The following ATP2B4 variants were observed in gnomAD, a reference collection of about 807,000 sequenced individuals.
ATP2B4 encodes the protein plasma membrane calcium-transporting ATPase 4.
ATP2B4 carries 39 observed loss-of-function variants against 110.3 expected under a neutral mutation model. The ratio of observed to expected loss-of-function variants is 0.35; its 90% CI spans 0.27 to 0.46. The LOEUF (loss-of-function observed/expected upper bound fraction) is 0.46, where lower values mean the gene tolerates loss of function less well. Ranked by LOEUF, ATP2B4 falls within the 20% of genes least tolerant of loss-of-function variation. The pLI is 1.00. For synonymous variants in ATP2B4, 538 were observed against 571.7 expected (o/e 0.94, Z 0.84); for missense variants, 1,135 against 1,530.9 (o/e 0.74, Z 4.32).
intron 19 of ATP2B4, among the ~76,000 whole-genome samples, chr1:203,724,557 A>G (rs1323845715): frequency 6.6e-6 from 1 of 151,772 alleles, no homozygotes; most frequent in African/African-American, 2.4e-5. Flanking sequence ...CTTCTCTGAG[A>G]CAGAAACCAA....
intron 11 of ATP2B4, among the ~76,000 whole-genome samples, chr1:203,709,979 A>G (rs1033126573): frequency 1.3e-5 from 2 of 152,242 alleles, no homozygotes; most frequent in African/African-American, 4.8e-5. Flanking sequence ...TGCCTTATAC[A>G]TAACAAGTAC....
chr1:203,719,225 GAAAAAAAAA>G (rs60841821), intron 15 of ATP2B4, among the ~76,000 whole-genome samples: 1 of 54,378 alleles, frequency 1.8e-5, no homozygotes, highest in Admixed American at 2.1e-4. Flanking sequence ...ACCCTGTCTC[GAAAAAAAAA>G]AAAAAAAAAA....
intron 1 of ATP2B4, chr1:203,657,286 A>G (rs1571688750): frequency 1.4e-6 from 1 of 726,730 alleles, no homozygotes; most frequent in South Asian, 1.5e-5. Flanking sequence ...CCGACAAAGC[A>G]GAGTTTAGTA....
At chr1:203,736,488 G>C (rs1666882434) in intron 20 of ATP2B4, among the ~76,000 whole-genome samples, 1 of 151,190 alleles carries the variant, frequency 6.6e-6, no homozygotes, top group African/African-American at 2.4e-5. Flanking sequence ...AAAAAAAGCA[G>C]AAAACTACAG....
At position 203,711,911 on chromosome 1, in the gene ATP2B4, AG is replaced by A. The variant is rs746026788; in HGVS notation, c.2032-46del. 3 of 1,586,672 alleles carry A rather than the reference AG, an allele frequency of 1.9e-6. No homozygotes were observed. In the African/African-American group the frequency reaches 4.0e-5, roughly 21 times the overall value. Reference sequence around the variant, plus strand: ...GACAGACAAACAGGGACAGCTTACCAGGGTCATCACCCTCATCTGCGCCTTT... The same window carrying A: ...GACAGACAAACAGGGACAGCTTACCAGGTCATCACCCTCATCTGCGCCTTT... On this transcript the variant is annotated intron_variant, in intron 12 of 20. Coordinates refer to ENST00000357681, the MANE Select transcript of ATP2B4 (RefSeq NM_001684.5).
At chr1:203,728,128 A>C (rs1244695300) in intron 20 of ATP2B4, 1 of 447,860 alleles carries the variant, frequency 2.2e-6, no homozygotes, top group Non-Finnish European at 4.6e-6. Context: ...TGTAAAAATG[A>C]CAATAGTCTC....
intron 20 of ATP2B4, 108 bp downstream of exon 20, chr1:203,727,679 G>A: frequency 2.2e-6 from 3 of 1,363,220 alleles, no homozygotes; most frequent in Non-Finnish European, 2.0e-6. Flanking sequence ...CCTTCCAAAG[G>A]CTCACTACTG....
chr1:203,683,472 A>G (rs770601723), intron 2 of ATP2B4, 74 bp downstream of exon 2: 171 of 1,452,262 alleles, frequency 1.2e-4, no homozygotes, highest in Non-Finnish European at 1.5e-4. Flanking sequence ...CCCAGCTTCT[A>G]GAGAAGGCAC....
At chr1:203,726,071 C>CA (rs58722256) in intron 19 of ATP2B4, among the ~76,000 whole-genome samples, 29,976 of 93,064 alleles carry the variant, frequency 0.32, 3,931 homozygotes, top group Admixed American at 0.44. Context: ...ACTAAAAATA[C>CA]AAAAAAAAAA....
At position 203,738,510 on chromosome 1, in the gene ATP2B4, C is replaced by G. The variant is rs146788105; in HGVS notation, c.3310-1036C>G. ...ACACTGGGCAATGCATCTCCTTTTG[C>G]CCAGTAAAACCGCACGTGGTTTCCT... On this transcript the variant is annotated intron_variant, in intron 20 of 20. Transcript: ENST00000357681. Among the ~76,000 whole-genome samples, 3 of 152,268 alleles carry G rather than the reference C, an allele frequency of 2.0e-5. No homozygotes were observed. In the East Asian group the frequency reaches 5.8e-4, roughly 29 times the overall value.
intron 10 of ATP2B4, 132 bp downstream of exon 10, chr1:203,708,236 G>A (rs934765300): frequency 8.9e-6 from 12 of 1,351,086 alleles, no homozygotes; most frequent in Non-Finnish European, 1.1e-5. Context: ...ACGCTGGAGT[G>A]AACATGTTTG....
chr1:203,656,942 C>G, intron 1 of ATP2B4: 1 of 673,980 alleles, frequency 1.5e-6, no homozygotes, highest in Non-Finnish European at 2.7e-6. Flanking sequence ...TGTGTAGTCC[C>G]CAATAATTAT....
At chr1:203,632,102 A>T (rs1234583834) in intron 1 of ATP2B4, among the ~76,000 whole-genome samples, 1 of 151,922 alleles carries the variant, frequency 6.6e-6, no homozygotes, top group Non-Finnish European at 1.5e-5. Context: ...TTTTAAAGGC[A>T]TATTTACAAT....
At chr1:203,706,519 A>G (rs568435406) in intron 8 of ATP2B4, among the ~76,000 whole-genome samples, 1 of 152,362 alleles carries the variant, frequency 6.6e-6, no homozygotes, top group East Asian at 1.9e-4. Context: ...CACTAGCACC[A>G]TAGAGGCATT....
intron 1 of ATP2B4, among the ~76,000 whole-genome samples, chr1:203,644,755 TGAA>T (rs1287508669): frequency 6.6e-6 from 1 of 152,096 alleles, no homozygotes; most frequent in African/African-American, 2.4e-5. Context: ...TGACCGGAGT[TGAA>T]ACAATGGCCA....
chr1:203,688,473 A>T (rs1230137368), intron 2 of ATP2B4, among the ~76,000 whole-genome samples: 2 of 149,068 alleles, frequency 1.3e-5, no homozygotes, highest in Admixed American at 1.3e-4. Flanking sequence ...TAATTTTTGT[A>T]TTTTTTTTTG....
intron 1 of ATP2B4, among the ~76,000 whole-genome samples, chr1:203,663,618 T>G (rs1253567459): frequency 6.6e-6 from 1 of 152,086 alleles, no homozygotes; most frequent in Non-Finnish European, 1.5e-5. Flanking sequence ...TCTCTTTTTT[T>G]TTTTTTAAGC....
chr1:203,730,144 T>A (rs527807660), intron 20 of ATP2B4, among the ~76,000 whole-genome samples: 32 of 152,094 alleles, frequency 2.1e-4, no homozygotes, highest in African/African-American at 7.2e-4. Context: ...CTTTCCTTTT[T>A]TTAAAAAAAA....
At position 203,706,903 on chromosome 1, in the gene ATP2B4, T is replaced by C. The variant is rs916310285; in HGVS notation, c.1100-106T>C. ...TAGTAAGTCTTCCTGGCGATGGTGGTTTTAATAATTGGCAACAAAGGCTAC... is the reference window on the plus strand; with the variant it reads ...TAGTAAGTCTTCCTGGCGATGGTGGCTTTAATAATTGGCAACAAAGGCTAC... On this transcript the variant is annotated intron_variant, in intron 8 of 20. Transcript: ENST00000357681. 2.8e-5 allele frequency: 26 copies of C among 926,420 alleles called. No individual in the cohort carries two copies. In the South Asian group the frequency reaches 4.3e-4, roughly 15 times the overall value. The allele number at this position is 926,420 out of a possible 1,614,324, so 57.4% of individuals were successfully genotyped here.
Sources: gnomAD v4.1 joint callset for allele counts (sites outside exome capture counted in the v4.1 genomes callset) on GRCh38, gnomAD v4.1.1 for gene constraint, MANE v1.5 for transcripts, NCBI Gene and HGNC (gene_info 2026-07-23, HGNC 2026-07-21) for gene names.